MSL2: variants seen among roughly 807,000 people sequenced by gnomAD.
The protein encoded by MSL2 is E3 ubiquitin-protein ligase MSL2.
Under a neutral mutation model 35.8 loss-of-function variants are expected in MSL2, and 2 were observed. The ratio of observed to expected loss-of-function variants is 0.06; its 90% confidence interval spans 0.02 to 0.18. MSL2 has a LOEUF of 0.18. Ranked by LOEUF, MSL2 falls within the 10% of genes least tolerant of loss-of-function variation. MSL2 has a pLI of 1.00. For synonymous variants in MSL2, 296 were observed against 255.7 expected, an observed-to-expected ratio of 1.16 and a Z score of -1.50; for missense variants, 523 against 706.7, an observed-to-expected ratio of 0.74 and a Z score of 2.95.
At position 136,195,847 on chromosome 3, in the gene MSL2, G is replaced by A; in HGVS notation, c.-734C>T. The A allele has an allele frequency of 1.0e-6, 1 of 983,036 alleles. No individual in the cohort carries two copies. Among genetic ancestry groups the A allele is most frequent in the Non-Finnish European group, 1.2e-6 (1 of 828,306 alleles). The allele number at this position is 983,036 out of a possible 1,614,324, so 60.9% of individuals were successfully genotyped here. ...GAGGGGAAGGCCGGGGAGGAAGTGC[G>A]CGGGCCGCCGCCGGCGGGCGGGAGG... On this transcript the variant is annotated 5_prime_UTR_variant, in exon 1 of 2. Coordinates refer to ENST00000309993, the MANE Select transcript of MSL2 (RefSeq NM_018133.4).
intron 1 of MSL2, among the ~76,000 whole-genome samples, chr3:136,189,129 A>AAAAAAAAAAAAAAAAAAAAAAAAAAAAAC (rs1415244597): frequency 7.2e-6 from 1 of 138,056 alleles, no homozygotes; most frequent in African/African-American, 2.8e-5. Context: ...AAAAAAAAAA[A>AAAAAAAAAAAAAAAAAAAAAAAAAAAAAC]AAAAAAACAC....
chr3:136,179,284 TC>T (rs2108084260), intron 1 of MSL2, among the ~76,000 whole-genome samples: 1 of 152,260 alleles, frequency 6.6e-6, no homozygotes, highest in South Asian at 2.1e-4. Context: ...CCTCCTGGGT[TC>T]AAGCAATCCC....
At chr3:136,187,912 T>G (rs568908277) in intron 1 of MSL2, among the ~76,000 whole-genome samples, 2 of 152,044 alleles carry the variant, frequency 1.3e-5, no homozygotes, top group African/African-American at 4.8e-5. Flanking sequence ...TTAGGTGATT[T>G]TGATTCAGGT....
intron 1 of MSL2, among the ~76,000 whole-genome samples, chr3:136,185,412 GA>G (rs1940490871): frequency 6.6e-6 from 1 of 151,066 alleles, no homozygotes; most frequent in African/African-American, 2.4e-5. Context: ...CATCATAGAA[GA>G]TAACTTCATC....
chr3:136,159,561 G>C (rs1232791329), intron 1 of MSL2, among the ~76,000 whole-genome samples: 1 of 146,966 alleles, frequency 6.8e-6, no homozygotes, highest in Non-Finnish European at 1.5e-5. Context: ...TAGTAGAGAC[G>C]AGGTTTCACC....
At chr3:136,191,801 A>AAT (rs1014897841) in intron 1 of MSL2, among the ~76,000 whole-genome samples, 2 of 152,242 alleles carry the variant, frequency 1.3e-5, no homozygotes, top group Non-Finnish European at 2.9e-5. Context: ...ACCGCTTAAA[A>AAT]ATAAGCCCAC....
At chr3:136,188,725 C>CA (rs11328242) in intron 1 of MSL2, among the ~76,000 whole-genome samples, 14 of 102,494 alleles carry the variant, frequency 1.4e-4, no homozygotes, top group South Asian at 6.9e-4. Flanking sequence ...GACCCTGTCT[C>CA]AAAAAAAAAA....
At chr3:136,162,930 G>A (rs907825798) in intron 1 of MSL2, among the ~76,000 whole-genome samples, 5 of 150,822 alleles carry the variant, frequency 3.3e-5, no homozygotes, top group Non-Finnish European at 7.4e-5. Flanking sequence ...AGTGCATACC[G>A]TGGGATAAAA....
chr3:136,189,721 CAAA>C (rs375444164), intron 1 of MSL2, among the ~76,000 whole-genome samples: 914 of 50,186 alleles, frequency 0.018, 14 homozygotes, highest in African/African-American at 0.063. Context: ...GACGCCGTCT[CAAA>C]AAAAAAAAAA....
In MSL2 at chr3:136,149,198, A is replaced by G. The variant is rs1939264090; in HGVS notation, c.*1949T>C. The G allele has an allele frequency of 1.3e-5, 2 of 152,288 alleles. No homozygotes were observed. The highest frequency in any genetic ancestry group is 2.9e-5 in the Non-Finnish European group (2 of 67,970). The allele number at this position is 152,288 out of a possible 1,614,324, so 9.4% of individuals were successfully genotyped here. On this transcript the variant is annotated 3_prime_UTR_variant, in exon 2 of 2. Transcript: ENST00000309993. ...CTATGAATTTTAAGATCATAATATTAGGAAAGTTTGGTCGATTTGCAAAAT... is the reference window on the plus strand; with the variant it reads ...CTATGAATTTTAAGATCATAATATTGGGAAAGTTTGGTCGATTTGCAAAAT...
intron 1 of MSL2, among the ~76,000 whole-genome samples, chr3:136,191,124 A>G (rs1011740099): frequency 6.6e-6 from 1 of 152,102 alleles, no homozygotes; most frequent in Non-Finnish European, 1.5e-5. Flanking sequence ...GATATTAAGT[A>G]CCTAATATGT....
At position 136,152,484 on chromosome 3, in the gene MSL2, G is replaced by A. The variant is rs755043416; in HGVS notation, c.397C>T (p.Leu133Phe). ...TCACAAAACAATGATCCATCATTAA[G>A]CAAAGCCAAAATATCAGAAGAACAG... ...VDCSSDILAL[L>F]NDGSLFCEET... The change falls in exon 2 of 2, where the codon CTT (leucine) becomes TTT (phenylalanine). Residue 133 changes from leucine to phenylalanine, a missense_variant. Transcript: ENST00000309993. The A allele has an allele frequency of 2.5e-6, 4 of 1,614,204 alleles. No individual in the cohort carries two copies. Among genetic ancestry groups the A allele is most frequent in the Non-Finnish European group, 3.4e-6 (4 of 1,180,026 alleles).
At chr3:136,167,757 CAAG>C (rs1383058219) in intron 1 of MSL2, among the ~76,000 whole-genome samples, 1 of 152,022 alleles carries the variant, frequency 6.6e-6, no homozygotes, top group Non-Finnish European at 1.5e-5. Flanking sequence ...AAGGTATCCA[CAAG>C]AAGACTCAAA....
At chr3:136,188,510 G>A (rs943725908) in intron 1 of MSL2, among the ~76,000 whole-genome samples, 2 of 151,820 alleles carry the variant, frequency 1.3e-5, no homozygotes, top group Non-Finnish European at 2.9e-5. Flanking sequence ...AGCATTTTGG[G>A]AGGCCAAAGT....
rs1046583901 is a variant in MSL2, at chr3:136,155,698, A to G, written c.143-2960T>C. On this transcript the variant is annotated intron_variant, in intron 1 of 1. Transcript: ENST00000309993. ...AAAACCTGCTGCCTGAATGGGGGGA[A>G]CTTGTATGCTGGGGTCCTTTTGTGC... The G allele has an allele frequency of 3.4e-4, 170 of 493,674 alleles. 3 individuals are homozygous for G. The highest frequency in any genetic ancestry group is 4.1e-5 in the Non-Finnish European group (10 of 242,668). 30.6% of individuals were successfully genotyped at this position (493,674 alleles called of 1,614,324 possible).
intron 1 of MSL2, among the ~76,000 whole-genome samples, chr3:136,169,968 T>A (rs140566892): frequency 6.6e-6 from 1 of 151,452 alleles, no homozygotes; most frequent in East Asian, 2.0e-4. Flanking sequence ...CACAAATCAT[T>A]TGAGCCCAGG....
At chr3:136,171,797 A>G (rs1230556245) in intron 1 of MSL2, among the ~76,000 whole-genome samples, 1 of 152,228 alleles carries the variant, frequency 6.6e-6, no homozygotes, top group Admixed American at 6.5e-5. Flanking sequence ...GTGTATCAAA[A>G]GCCTTGCATT....
In MSL2 at chr3:136,149,053, A is replaced by T. The variant is rs1201975715; in HGVS notation, c.*2094T>A. ...CTGAATTCATCATTGGCAATATTAC[A>T]TAACAATCAAGGCCCTCACATACTA... On this transcript the variant is annotated 3_prime_UTR_variant, in exon 2 of 2. Coordinates refer to ENST00000309993, the MANE Select transcript of MSL2 (RefSeq NM_018133.4). 6.6e-6 allele frequency: 1 copy of T among 152,458 alleles called. No homozygotes were observed. Among genetic ancestry groups the T allele is most frequent in the Non-Finnish European group, 1.5e-5 (1 of 68,016 alleles). 9.4% of individuals were successfully genotyped at this position (152,458 alleles called of 1,614,324 possible). A position where few individuals can be genotyped will look rare whatever the true frequency, so the allele number is the denominator to read the frequency against.
At position 136,195,706 on chromosome 3, in the gene MSL2, C is replaced by G; in HGVS notation, c.-593G>C. 3 of 985,364 alleles carry G rather than the reference C, an allele frequency of 3.0e-6. No homozygotes were observed. The highest frequency in any genetic ancestry group is 3.6e-6 in the Non-Finnish European group (3 of 829,898). 61.0% of individuals were successfully genotyped at this position (985,364 alleles called of 1,614,324 possible). A position where few individuals can be genotyped will look rare whatever the true frequency, so the allele number is the denominator to read the frequency against. ...GGTTGATGTTGCGGCTGGCGGACGC[C>G]GCCGCCGCGCTCTCCATATCGGACG... is the stretch of plus-strand genomic sequence containing the variant. On this transcript the variant is annotated 5_prime_UTR_variant, in exon 1 of 2. Coordinates refer to ENST00000309993, the MANE Select transcript of MSL2 (RefSeq NM_018133.4).
Sources: gnomAD v4.1 joint callset for allele counts (sites outside exome capture counted in the v4.1 genomes callset) on GRCh38, gnomAD v4.1.1 for gene constraint, MANE v1.5 for transcripts, NCBI Gene and HGNC (gene_info 2026-07-23, HGNC 2026-07-21) for gene names.